Variants in MYO5C observed in about 807,000 individuals in gnomAD.
MYO5C encodes the protein unconventional myosin-Vc.
Under a neutral mutation model 235.7 loss-of-function variants are expected in MYO5C, and 194 were observed. That is an observed-to-expected ratio of 0.82 (90% CI 0.73 to 0.93). The LOEUF (loss-of-function observed/expected upper bound fraction) is 0.93. MYO5C is among the 40% of genes least tolerant of loss of function. The pLI, the probability that MYO5C is intolerant of heterozygous loss-of-function variation, is 0.00. For missense variants in MYO5C, 2,038 were observed against 2,127.2 expected (o/e 0.96, Z 0.82); for synonymous variants, 707 against 754.8 (o/e 0.94, Z 1.04).
intron 24 of MYO5C, among the ~76,000 whole-genome samples, chr15:52,231,240 T>G (rs79578261): frequency 6.6e-6 from 1 of 152,182 alleles, no homozygotes; most frequent in African/African-American, 2.4e-5. Context: ...GGGCCAGGAA[T>G]TCCCCCCTTG....
In MYO5C at chr15:52,279,672, C is replaced by A; in HGVS notation, c.141G>T (p.Glu47Asp). The change falls in exon 3 of 41, where the codon GAG becomes GAT. Residue 47 changes from glutamate (E) to aspartate (D), a missense_variant and splice_region_variant. Glu to Asp is a conservative substitution (Grantham distance 45). Coordinates refer to ENST00000261839, the MANE Select transcript of MYO5C (RefSeq NM_018728.4). ...ATTCTGGATTGACAGAATAATCCAG[C>A]TCCTATGGACAAAGATAAAAATTAA... ...VLRLLLEDGT[E>D]LDYSVNPESL... The A allele has an allele frequency of 6.2e-7, 1 of 1,602,744 alleles. No individual in the cohort carries two copies. Among genetic ancestry groups the A allele is most frequent in the Non-Finnish European group, 8.5e-7 (1 of 1,171,454 alleles).
rs769148108 is a variant in MYO5C, at chr15:52,204,817, A to T, written c.4820+48T>A. On this transcript the variant is annotated intron_variant, in intron 38 of 40. Transcript: ENST00000261839. ...GCGTGGGGCCTCGGACTTCAAGAGC[A>T]TCCTTTCTGCAGGCCTCTCCGCGTG... 7 of 1,591,424 alleles carry T rather than the reference A, an allele frequency of 4.4e-6. No individual in the cohort carries two copies. The South Asian group carries it at 7.9e-5, about 18-fold the overall frequency.
chr15:52,253,339 T>C lies in MYO5C; in HGVS notation c.1514A>G (p.Glu505Gly). The C allele has an allele frequency of 6.2e-7, 1 of 1,612,130 alleles. No homozygotes were observed. Among genetic ancestry groups the C allele is most frequent in the Non-Finnish European group, 8.5e-7 (1 of 1,179,300 alleles). ...DLIEAKMGIL[E>G]LLDEECLLPH... ...TACCAAACATTCTTCATCCAGTAAC[T>C]CCAGAATTCCCATTTTTGCTTCAAT... The change falls in exon 12 of 41, where the codon GAG (glutamate) becomes GGG (glycine). Residue 505 changes from glutamate (E) to glycine (G), a missense_variant. Physicochemically the swap from Glu to Gly is moderately conservative, Grantham distance 98 (BLOSUM62 -2). Transcript: ENST00000261839.
intron 10 of MYO5C, among the ~76,000 whole-genome samples, chr15:52,259,723 T>C (rs1596203101): frequency 1.3e-5 from 2 of 152,252 alleles, no homozygotes; most frequent in Non-Finnish European, 2.9e-5. Flanking sequence ...TTGGGAGCCA[T>C]ATGTATTAAC....
In MYO5C at chr15:52,242,045, CA is replaced by C; in HGVS notation, c.2556+2del. Reference sequence around the variant, plus strand: ...CCTTCCTCTAGACAGAGGTTGGCCTCACCTTTCGATACCTCCTCCTTGCCAG... The same window carrying C: ...CCTTCCTCTAGACAGAGGTTGGCCTCCCTTTCGATACCTCCTCCTTGCCAG... On this transcript the variant is annotated splice_donor_variant, in intron 20 of 40. Transcript: ENST00000261839. LOFTEE classifies it high-confidence loss of function. 6.2e-7 allele frequency: 1 copy of C among 1,607,690 alleles called. No individual in the cohort carries two copies. Among genetic ancestry groups the C allele is most frequent in the South Asian group, 1.1e-5 (1 of 90,066 alleles).
intron 1 of MYO5C, among the ~76,000 whole-genome samples, chr15:52,292,822 G>A (rs1276364912): frequency 6.6e-6 from 1 of 152,246 alleles, no homozygotes; most frequent in Non-Finnish European, 1.5e-5. Flanking sequence ...GAAGGTGCAG[G>A]TGCCATGAGC....
intron 10 of MYO5C, among the ~76,000 whole-genome samples, chr15:52,258,717 G>T (rs1290015267): frequency 1.3e-5 from 2 of 152,156 alleles, no homozygotes; most frequent in Non-Finnish European, 2.9e-5. Context: ...TGATTTTTTT[G>T]GAGGCGTATC....
At chr15:52,222,526 G>A (rs1366154020) in intron 29 of MYO5C, among the ~76,000 whole-genome samples, 1 of 152,194 alleles carries the variant, frequency 6.6e-6, no homozygotes, top group Non-Finnish European at 1.5e-5. Context: ...CATCGCCAGA[G>A]GCTGCTGAGA....
At chr15:52,257,254 G>A (rs574257349) in intron 10 of MYO5C, among the ~76,000 whole-genome samples, 1 of 152,290 alleles carries the variant, frequency 6.6e-6, no homozygotes, top group African/African-American at 2.4e-5. Context: ...GAGGAAAAGG[G>A]CAAAGTCATT....
rs183629833 is a variant in MYO5C at position 52,241,021 on chromosome 15, G to A, written c.2556+1027C>T. Reference sequence around the variant, plus strand: ...AAAGAAAGAAAATTATTTTTTTGCCGTATGAAACTCATCTCATCACCCTTT... The same window carrying A: ...AAAGAAAGAAAATTATTTTTTTGCCATATGAAACTCATCTCATCACCCTTT... On this transcript the variant is annotated intron_variant, in intron 20 of 40. Coordinates refer to ENST00000261839, the MANE Select transcript of MYO5C (RefSeq NM_018728.4). 3.8e-3 allele frequency among the ~76,000 whole-genome samples: 582 copies of A among 152,150 alleles called. 4 individuals are homozygous for A. The highest frequency in any genetic ancestry group is 0.018 in the South Asian group (87 of 4,820).
At chr15:52,232,734 T>C in intron 23 of MYO5C, 49 bp from the exon 24 acceptor site, 1 of 1,483,838 alleles carries the variant, frequency 6.7e-7, no homozygotes, top group Non-Finnish European at 9.4e-7. Flanking sequence ...ATCAATGCCT[T>C]GATTGTTTCA....
chr15:52,265,193 A>G (rs1312933833), intron 8 of MYO5C: 1 of 152,296 alleles, frequency 6.6e-6, no homozygotes, highest in African/African-American at 2.4e-5. Context: ...TACCATATTC[A>G]GTCACCGTGA....
chr15:52,268,091 A>G (rs1050244671), intron 8 of MYO5C, among the ~76,000 whole-genome samples: 1 of 152,260 alleles, frequency 6.6e-6, no homozygotes, highest in African/African-American at 2.4e-5. Flanking sequence ...GATTTTGCTT[A>G]GAAAACCATC....
intron 8 of MYO5C, among the ~76,000 whole-genome samples, chr15:52,268,963 T>C (rs2036865903): frequency 6.6e-6 from 1 of 152,234 alleles, no homozygotes; most frequent in African/African-American, 2.4e-5. Context: ...ACAGCAGCAC[T>C]GACTTCCTAG....
At chr15:52,245,246 G>T in intron 18 of MYO5C, 108 bp downstream of exon 18, 1 of 817,022 alleles carries the variant, frequency 1.2e-6, no homozygotes, top group Non-Finnish European at 2.2e-6. Context: ...TTTCCTTTCA[G>T]GTGTTCATGA....
At chr15:52,291,777 C>G (rs1300072211) in intron 1 of MYO5C, among the ~76,000 whole-genome samples, 15 of 96,716 alleles carry the variant, frequency 1.6e-4, no homozygotes, top group Non-Finnish European at 2.2e-4. Context: ...CTCGCTCTGT[C>G]GCCCAGGCTG....
At chr15:52,284,181 AAC>A (rs1323966833) in intron 1 of MYO5C, among the ~76,000 whole-genome samples, 2 of 150,468 alleles carry the variant, frequency 1.3e-5, no homozygotes, top group Middle Eastern at 3.4e-3. Flanking sequence ...AAAAATTGGA[AAC>A]AGACTAAATG....
Position 52,239,818 on chromosome 15 carries a change from C to T in MYO5C, c.2618G>A (p.Arg873His), listed in dbSNP as rs778858014. Residue 873 changes from arginine to histidine, a missense_variant, in exon 21 of 41, where the codon CGC (arginine) becomes CAC (histidine). By Grantham distance (29) the Arg-to-His change is conservative. Transcript: ENST00000261839. ...QKYARAWLAR[R>H]RFQSIRRFVL... ...GAATCGTCGGATACTCTGGAATCTG[C>T]GTCTGGCCAGCCACGCCCGTGCGTA... 1.6e-5 allele frequency: 26 copies of T among 1,613,222 alleles called. No homozygotes were observed. Among genetic ancestry groups the T allele is most frequent in the African/African-American group, 1.1e-4 (8 of 74,904 alleles).
Position 52,193,804 on chromosome 15 carries a change from A to G in MYO5C, c.*98T>C. On this transcript the variant is annotated 3_prime_UTR_variant, in exon 41 of 41. Transcript: ENST00000261839. Reference sequence around the variant, plus strand: ...GAGAAAAGTCTGTTTTCTTCCTTAAATCACATTCCAATTTCCACTGCCAAT... The same window carrying G: ...GAGAAAAGTCTGTTTTCTTCCTTAAGTCACATTCCAATTTCCACTGCCAAT... The G allele has an allele frequency of 2.2e-6, 3 of 1,348,308 alleles. No homozygotes were observed. The highest frequency in any genetic ancestry group is 3.1e-6 in the Non-Finnish European group (3 of 977,540). The allele number at this position is 1,348,308 out of a possible 1,614,324, so 83.5% of individuals were successfully genotyped here. A position where few individuals can be genotyped will look rare whatever the true frequency, so the allele number is the denominator to read the frequency against.
Sources: allele counts gnomAD v4.1 joint callset (sites outside exome capture counted in the v4.1 genomes callset), GRCh38; gene constraint gnomAD v4.1.1; transcripts MANE v1.5; gene names NCBI Gene and HGNC (gene_info 2026-07-23, HGNC 2026-07-21).